The following MKLN1 variants were observed in gnomAD, a reference collection of about 807,000 sequenced individuals.
The protein encoded by MKLN1 is muskelin 1, also known as muskelin.
MKLN1 carries 18 observed loss-of-function variants against 99.0 expected under a neutral mutation model. The observed-to-expected ratio is 0.18, with a 90% confidence interval of 0.13 to 0.27. The LOEUF (loss-of-function observed/expected upper bound fraction) is 0.27, where lower values mean the gene tolerates loss of function less well. MKLN1 is among the 10% of genes least tolerant of loss of function. The pLI is 1.00. For synonymous variants in MKLN1, 288 were observed against 293.2 expected, an observed-to-expected ratio of 0.98 and a Z score of 0.18; for missense variants, 621 against 875.9, an observed-to-expected ratio of 0.71 and a Z score of 3.67.
intron 1 of MKLN1, among the ~76,000 whole-genome samples, chr7:131,369,851 GT>G (rs1439571745): frequency 6.6e-6 from 1 of 152,040 alleles, no homozygotes; most frequent in Non-Finnish European, 1.5e-5. Flanking sequence ...TGTTGTTGTT[GT>G]TGAGACAGAG....
intron 1 of MKLN1, among the ~76,000 whole-genome samples, chr7:131,349,769 C>T (rs908960842): frequency 6.6e-6 from 1 of 152,118 alleles, no homozygotes; most frequent in African/African-American, 2.4e-5. Context: ...TGGGGAGACA[C>T]CAAATCATGT....
chr7:131,159,144 G>A (rs950259285), intron 2 of MKLN1, among the ~76,000 whole-genome samples: 3 of 152,158 alleles, frequency 2.0e-5, no homozygotes, highest in African/African-American at 7.2e-5. Flanking sequence ...AGTAAGCCGA[G>A]ATCGTGCCAC....
At position 131,399,351 on chromosome 7, in the gene MKLN1, C is replaced by T. The variant is rs1459349307; in HGVS notation, c.621C>T (p.Pro207=). ...QKKTKIALEH[P]MLTDIHDKLV... ...AAACCAAGATTGCACTGGAACATCC[C>T]ATGTTAACAGATATTCATGACAAGC... Residue 207 remains proline, a synonymous_variant, in exon 6 of 18, where the codon CCC becomes CCT. Coordinates refer to ENST00000352689, the MANE Select transcript of MKLN1 (RefSeq NM_013255.5). 37 of 1,613,798 alleles carry T rather than the reference C, an allele frequency of 2.3e-5. No homozygotes were observed. Among genetic ancestry groups the T allele is most frequent in the Non-Finnish European group, 3.1e-5 (36 of 1,179,902 alleles).
At chr7:131,147,217 ATTT>A (rs71168371) in intron 2 of MKLN1, among the ~76,000 whole-genome samples, 11,924 of 136,294 alleles carry the variant, frequency 0.087, 621 homozygotes, top group South Asian at 0.19. Context: ...ACACCCAGCT[ATTT>A]TTTTTTTTTT....
intron 15 of MKLN1, 99 bp downstream of exon 15, chr7:131,466,514 T>A (rs1203302107): frequency 8.2e-6 from 7 of 851,326 alleles, no homozygotes; most frequent in Non-Finnish European, 1.1e-5. Flanking sequence ...ATGAAGATCA[T>A]GAATTTTGTA....
chr7:131,425,680 G>T (rs1795338602), intron 8 of MKLN1, among the ~76,000 whole-genome samples: 1 of 152,170 alleles, frequency 6.6e-6, no homozygotes, highest in African/African-American at 2.4e-5. Flanking sequence ...TAGAGAAGGG[G>T]TGAAGGGGTT....
chr7:131,400,469 CAAAT>C (rs538570447), intron 6 of MKLN1, among the ~76,000 whole-genome samples: 6 of 144,292 alleles, frequency 4.2e-5, no homozygotes, highest in South Asian at 2.2e-4. Flanking sequence ...TATAAACAAA[CAAAT>C]AACTAATCTC....
intron 2 of MKLN1, among the ~76,000 whole-genome samples, chr7:131,378,312 A>G (rs1246786571): frequency 1.3e-5 from 2 of 152,174 alleles, no homozygotes; most frequent in East Asian, 1.9e-4. Flanking sequence ...GGGTTTCACC[A>G]TGTTGGTCAG....
intron 7 of MKLN1, among the ~76,000 whole-genome samples, chr7:131,413,757 G>A (rs944583210): frequency 1.3e-5 from 2 of 152,010 alleles, no homozygotes; most frequent in African/African-American, 4.8e-5. Flanking sequence ...TAGGCTGGTC[G>A]TGGACTCCTG....
chr7:131,144,522 T>C (rs1179927137), intron 2 of MKLN1, among the ~76,000 whole-genome samples: 3 of 152,006 alleles, frequency 2.0e-5, no homozygotes, highest in Non-Finnish European at 4.4e-5. Flanking sequence ...TTTTATACTT[T>C]TAAAAATAGA....
intron 15 of MKLN1, among the ~76,000 whole-genome samples, chr7:131,467,997 A>G (rs1042295798): frequency 5.3e-5 from 8 of 152,106 alleles, no homozygotes; most frequent in Non-Finnish European, 1.2e-4. Context: ...GTCATGGGAG[A>G]AGGAGCTTGC....
intron 9 of MKLN1, 55 bp downstream of exon 9, chr7:131,429,200 C>T: frequency 3.4e-6 from 4 of 1,190,968 alleles, no homozygotes; most frequent in Non-Finnish European, 4.9e-6. Context: ...TAGATGTGCA[C>T]TTGTTTTTCG....
intron 3 of MKLN1, among the ~76,000 whole-genome samples, chr7:131,301,617 G>C (rs1458070582): frequency 6.6e-6 from 1 of 152,050 alleles, no homozygotes; most frequent in African/African-American, 2.4e-5. Context: ...CTTCTTTTCT[G>C]CTTGTTTGTT....
At chr7:131,484,572 A>G (rs1797221335) in intron 17 of MKLN1, among the ~76,000 whole-genome samples, 1 of 152,150 alleles carries the variant, frequency 6.6e-6, no homozygotes, top group Non-Finnish European at 1.5e-5. Context: ...TCCTTCTTAG[A>G]TAATTTGATC....
intron 1 of MKLN1, among the ~76,000 whole-genome samples, chr7:131,135,865 G>A (rs555820053): frequency 2.0e-5 from 3 of 152,140 alleles, no homozygotes; most frequent in African/African-American, 7.2e-5. Flanking sequence ...TAATGTCTTC[G>A]AGAGGATCCC....
intron 1 of MKLN1, among the ~76,000 whole-genome samples, chr7:131,127,650 A>C (rs912376917): frequency 2.0e-5 from 3 of 152,154 alleles, no homozygotes; most frequent in Non-Finnish European, 4.4e-5. Context: ...GTCAGATGGG[A>C]ATGGCTTGCC....
At chr7:131,412,280 C>T (rs1257452680) in intron 7 of MKLN1, among the ~76,000 whole-genome samples, 1 of 152,144 alleles carries the variant, frequency 6.6e-6, no homozygotes, top group Non-Finnish European at 1.5e-5. Flanking sequence ...TTGTTAGAGG[C>T]ATGGTGTAAA....
chr7:131,188,430 A>T (rs561242017), intron 2 of MKLN1, among the ~76,000 whole-genome samples: 2 of 152,348 alleles, frequency 1.3e-5, no homozygotes, highest in East Asian at 3.9e-4. Flanking sequence ...ATTTGTGATC[A>T]GCTGGTATGT....
At chr7:131,378,378 C>T (rs1793730553) in intron 2 of MKLN1, among the ~76,000 whole-genome samples, 1 of 152,202 alleles carries the variant, frequency 6.6e-6, no homozygotes, top group Non-Finnish European at 1.5e-5. Context: ...ACCCAAAGTG[C>T]TGGGCTTACA....
Sources: gnomAD v4.1 joint callset for allele counts (sites outside exome capture counted in the v4.1 genomes callset) on GRCh38, gnomAD v4.1.1 for gene constraint, MANE v1.5 for transcripts, NCBI Gene and HGNC (gene_info 2026-07-23, HGNC 2026-07-21) for gene names.